Variants in DDIAS observed in about 807,000 individuals in gnomAD.
DDIAS encodes DNA damage induced apoptosis suppressor, also known as DNA damage-induced apoptosis suppressor protein.
Under a neutral mutation model 15.7 loss-of-function variants are expected in DDIAS, and 14 were observed. The observed-to-expected ratio is 0.89, with a 90% CI of 0.59 to 1.39. The LOEUF (loss-of-function observed/expected upper bound fraction) is 1.39, where lower values mean the gene tolerates loss of function less well. Ranked by LOEUF, DDIAS falls within the 40% of genes most tolerant of loss-of-function variation. DDIAS has a pLI of 0.00. For synonymous variants in DDIAS, 355 were observed against 395.9 expected (o/e 0.90, Z 1.23); for missense variants, 1,035 against 1,130.9 (o/e 0.92, Z 1.22).
At chr11:82,910,441 G>T (rs570625834) in intron 1 of DDIAS, among the ~76,000 whole-genome samples, 1 of 151,610 alleles carries the variant, frequency 6.6e-6, no homozygotes, top group African/African-American at 2.4e-5. Flanking sequence ...GGCTAATTTT[G>T]TATATTTTTG....
At chr11:82,925,288 T>A (rs1860836144) in intron 3 of DDIAS, among the ~76,000 whole-genome samples, 1 of 152,272 alleles carries the variant, frequency 6.6e-6, no homozygotes, top group Admixed American at 6.5e-5. Context: ...TCATTTAATT[T>A]CTCGTTTTAT....
chr11:82,932,012 A>AT lies in DDIAS; in HGVS notation c.680dup (p.Lys228GlnfsTer17), dbSNP rs1210738777. On this transcript the variant is annotated frameshift_variant, in exon 6 of 6. Coordinates refer to ENST00000533655, the MANE Select transcript of DDIAS (RefSeq NM_145018.4). LOFTEE classifies it low-confidence loss of function (END_TRUNC). ...ATATATACTTCTGACAGCACTTCTGATTTTTTCAAGTCCTGCAGCAAGGAT... is the reference window on the plus strand; with the variant it reads ...ATATATACTTCTGACAGCACTTCTGATTTTTTTCAAGTCCTGCAGCAAGGAT... 3 of 1,614,070 alleles carry AT rather than the reference A, an allele frequency of 1.9e-6. No individual in the cohort carries two copies. Among genetic ancestry groups the AT allele is most frequent in the South Asian group, 1.1e-5 (1 of 91,070 alleles).
rs1337865841 is a variant in DDIAS at position 82,932,345 on chromosome 11, A to G, written c.1007A>G (p.Asp336Gly). The G allele has an allele frequency of 6.2e-7, 1 of 1,613,688 alleles. No individual in the cohort carries two copies. The highest frequency in any genetic ancestry group is 1.1e-5 in the South Asian group (1 of 91,072). Residue 336 changes from aspartate to glycine, a missense_variant, in exon 6 of 6, where the codon GAC becomes GGC. Coordinates refer to ENST00000533655, the MANE Select transcript of DDIAS (RefSeq NM_145018.4). ...HSSHHEIGVN[D>G]SNLFSLEMRE... The stretch of plus-strand genomic sequence containing the variant: ...AGTCATCATGAAATTGGAGTTAATG[A>G]CTCTAATTTATTCTCTTTGGAAATG...
chr11:82,903,228 C>A (rs946462670), intron 1 of DDIAS, among the ~76,000 whole-genome samples: 1 of 151,992 alleles, frequency 6.6e-6, no homozygotes, highest in Admixed American at 6.5e-5. Context: ...TAATCCAGCA[C>A]CATAAACAGG....
At chr11:82,913,998 G>A (rs1299524801) in intron 2 of DDIAS, 3 of 422,060 alleles carry the variant, frequency 7.1e-6, no homozygotes, top group Middle Eastern at 1.6e-3. Context: ...GTGCCATGGT[G>A]CAATCTCGGC....
At chr11:82,909,588 T>C (rs1860487676) in intron 1 of DDIAS, among the ~76,000 whole-genome samples, 1 of 152,216 alleles carries the variant, frequency 6.6e-6, no homozygotes, top group African/African-American at 2.4e-5. Flanking sequence ...TTTTGTCTTT[T>C]GACAGTTGCA....
chr11:82,928,299 C>T (rs61501448), intron 3 of DDIAS, among the ~76,000 whole-genome samples: 11,090 of 141,568 alleles, frequency 0.078, 893 homozygotes, highest in African/African-American at 0.2. Flanking sequence ...CCCGGGTTCA[C>T]ATCATTCTGC....
chr11:82,931,667 G>C, intron 5 of DDIAS, 65 bp from the exon 6 acceptor site: 2 of 1,444,054 alleles, frequency 1.4e-6, no homozygotes, highest in South Asian at 2.8e-5. Flanking sequence ...CTAAATTTCT[G>C]TTTCATGTTT....
intron 3 of DDIAS, among the ~76,000 whole-genome samples, chr11:82,923,031 T>C (rs1387651595): frequency 6.6e-6 from 1 of 152,226 alleles, no homozygotes; most frequent in Non-Finnish European, 1.5e-5. Flanking sequence ...CACAGAGTCC[T>C]GTGATGTGAA....
chr11:82,923,029 C>A (rs1860788573), intron 3 of DDIAS, among the ~76,000 whole-genome samples: 1 of 152,148 alleles, frequency 6.6e-6, no homozygotes, highest in South Asian at 2.1e-4. Context: ...TGCACAGAGT[C>A]CTGTGATGTG....
intron 2 of DDIAS, chr11:82,913,792 G>A: frequency 2.5e-6 from 1 of 396,696 alleles, no homozygotes; most frequent in East Asian, 7.5e-5. Context: ...AAATGTTTGG[G>A]TCCAGAAGTC....
intron 1 of DDIAS, among the ~76,000 whole-genome samples, chr11:82,903,034 G>A (rs2121306623): frequency 6.6e-6 from 1 of 152,280 alleles, no homozygotes; most frequent in East Asian, 1.9e-4. Flanking sequence ...TGCAAAAGAG[G>A]GAAAGAAAAA....
Position 82,902,966 on chromosome 11 carries a change from A to G in DDIAS, c.-117+1144A>G, listed in dbSNP as rs183168858. 2.6e-3 allele frequency among the ~76,000 whole-genome samples: 395 copies of G among 152,344 alleles called. 4 individuals carry two copies. Among genetic ancestry groups the G allele is most frequent in the African/African-American group, 9.2e-3 (382 of 41,580 alleles). On this transcript the variant is annotated intron_variant, in intron 1 of 5. Coordinates refer to ENST00000533655, the MANE Select transcript of DDIAS (RefSeq NM_145018.4). ...GAAACTATGTGAATTAGACTGGTCT[A>G]AGAAGACCTTTCCAAGGAGTTGATA...
chr11:82,923,492 A>G (rs1860798755), intron 3 of DDIAS, among the ~76,000 whole-genome samples: 1 of 152,160 alleles, frequency 6.6e-6, no homozygotes, highest in South Asian at 2.1e-4. Flanking sequence ...TTGAACCTGA[A>G]ATTTTTAGTG....
intron 3 of DDIAS, among the ~76,000 whole-genome samples, chr11:82,916,633 A>T (rs1028936791): frequency 6.6e-6 from 1 of 152,200 alleles, no homozygotes; most frequent in Non-Finnish European, 1.5e-5. Flanking sequence ...TAGGTTGAAC[A>T]ATAATGCCAT....
At chr11:82,929,021 A>G in intron 4 of DDIAS, 83 bp downstream of exon 4, 17 of 1,453,418 alleles carry the variant, frequency 1.2e-5, no homozygotes, top group Non-Finnish European at 1.5e-5. Flanking sequence ...GCATTTTTGT[A>G]GAAAGATAAT....
chr11:82,930,754 A>AAAAG (rs35208328), intron 5 of DDIAS, among the ~76,000 whole-genome samples: 77,528 of 150,628 alleles, frequency 0.51, 20,284 homozygotes, highest in African/African-American at 0.63. Flanking sequence ...GTTAAAAAAA[A>AAAAG]AAGAAGTTAC....
intron 3 of DDIAS, among the ~76,000 whole-genome samples, chr11:82,926,694 A>G (rs1405686393): frequency 6.6e-6 from 1 of 152,200 alleles, no homozygotes; most frequent in Non-Finnish European, 1.5e-5. Flanking sequence ...TTCCTGAATC[A>G]GAATCTTCAT....
At chr11:82,903,350 A>C (rs1565241453) in intron 1 of DDIAS, among the ~76,000 whole-genome samples, 1 of 152,160 alleles carries the variant, frequency 6.6e-6, no homozygotes, top group Non-Finnish European at 1.5e-5. Context: ...GTGATGTGGG[A>C]TATGAAGGAA....
Sources: allele counts gnomAD v4.1 joint callset (sites outside exome capture counted in the v4.1 genomes callset), GRCh38; gene constraint gnomAD v4.1.1; transcripts MANE v1.5; gene names NCBI Gene and HGNC (gene_info 2026-07-23, HGNC 2026-07-21).